Variants in SEMA5A observed in about 807,000 individuals in gnomAD.
SEMA5A encodes semaphorin 5A, also known as semaphorin-5A.
SEMA5A carries 55 observed loss-of-function variants against 135.5 expected under a neutral mutation model. The ratio of observed to expected loss-of-function variants is 0.41; its 90% CI spans 0.33 to 0.51. The LOEUF (loss-of-function observed/expected upper bound fraction) is 0.51, where lower values mean the gene tolerates loss of function less well. Among genes scored for constraint, SEMA5A ranks in the 20% least tolerant of loss-of-function variants. The probability of loss-of-function intolerance (pLI) is 0.37; values close to 1 mark genes in which losing one functional copy is unlikely to be tolerated. For synonymous variants in SEMA5A, 580 were observed against 546.5 expected (o/e 1.06, Z -0.85); for missense variants, 1,290 against 1,419.9 (o/e 0.91, Z 1.47).
rs1269016663 is a variant in SEMA5A at position 9,197,265 on chromosome 5, A to C, written c.971T>G (p.Leu324Arg). 4 of 1,614,054 alleles carry C rather than the reference A, an allele frequency of 2.5e-6. No individual in the cohort carries two copies. The Admixed American group carries it at 5.0e-5, about 20-fold the overall frequency. Residue 324 changes from leucine (L) to arginine (R), a missense_variant, in exon 10 of 23, where the codon CTG (leucine) becomes CGG (arginine). Coordinates refer to ENST00000382496, the MANE Select transcript of SEMA5A (RefSeq NM_003966.3). ...AGAGAAGGCCTGCGCGATGGCGCTC[A>C]GGTTGAAGACGCACACAGCTGAGGC... ...IAASAVCVFN[L>R]SAIAQAFSGP...
At chr5:9,356,450 C>A (rs529362017) in intron 3 of SEMA5A, among the ~76,000 whole-genome samples, 1 of 152,078 alleles carries the variant, frequency 6.6e-6, no homozygotes, top group South Asian at 2.1e-4. Context: ...GTGGAGTGGG[C>A]CAACTTGTAG....
chr5:9,350,434 C>A (rs78448616), intron 3 of SEMA5A, among the ~76,000 whole-genome samples: 3,258 of 152,248 alleles, frequency 0.021, 104 homozygotes, highest in African/African-American at 0.073. Context: ...AATATCTAAG[C>A]CCTTACAATA....
chr5:9,133,725 A>T (rs1741567045), intron 13 of SEMA5A, among the ~76,000 whole-genome samples: 2 of 151,988 alleles, frequency 1.3e-5, no homozygotes. Flanking sequence ...GTAGGAAACA[A>T]CTTTAGTGAC....
At chr5:9,462,482 C>T (rs1759093491) in intron 1 of SEMA5A, among the ~76,000 whole-genome samples, 1 of 152,086 alleles carries the variant, frequency 6.6e-6, no homozygotes, top group Non-Finnish European at 1.5e-5. Flanking sequence ...GATACACATA[C>T]CCAAAGGAAT....
chr5:9,078,586 TACACACACAC>T (rs145598030), intron 16 of SEMA5A, among the ~76,000 whole-genome samples: 1 of 146,470 alleles, frequency 6.8e-6, no homozygotes, highest in African/African-American at 2.5e-5. Flanking sequence ...GCTGGGTATG[TACACACACAC>T]ACACACACAC....
In SEMA5A at chr5:9,203,357, G is replaced by A. The variant is rs566155595; in HGVS notation, c.647-1117C>T. Among the ~76,000 whole-genome samples, 25 of 152,214 alleles carry A rather than the reference G, an allele frequency of 1.6e-4. 1 individual carries two copies. Among genetic ancestry groups the A allele is most frequent in the South Asian group, 1.5e-3 (7 of 4,824 alleles). ...ATTTTCAGGGACAATTAGTTTGTTG[G>A]GGCAATTCAATTGGCCTTGTACCTT... On this transcript the variant is annotated intron_variant, in intron 8 of 22. Coordinates refer to ENST00000382496, the MANE Select transcript of SEMA5A (RefSeq NM_003966.3).
intron 5 of SEMA5A, among the ~76,000 whole-genome samples, chr5:9,243,081 T>C (rs898324142): frequency 2.6e-5 from 4 of 152,114 alleles, no homozygotes; most frequent in Non-Finnish European, 5.9e-5. Flanking sequence ...TAATTGGGAG[T>C]TGACAATGTA....
chr5:9,526,982 T>C (rs1483171178), intron 1 of SEMA5A, among the ~76,000 whole-genome samples: 1 of 152,182 alleles, frequency 6.6e-6, no homozygotes, highest in East Asian at 1.9e-4. Context: ...GTGACAGACA[T>C]TTCCCAGGGT....
intron 5 of SEMA5A, among the ~76,000 whole-genome samples, chr5:9,297,555 T>C (rs1419935911): frequency 6.6e-6 from 1 of 152,102 alleles, no homozygotes; most frequent in Non-Finnish European, 1.5e-5. Flanking sequence ...TTCTGTTTTT[T>C]TTGTTTACTT....
intron 16 of SEMA5A, among the ~76,000 whole-genome samples, chr5:9,090,331 T>C (rs759922192): frequency 9.2e-5 from 14 of 152,346 alleles, no homozygotes; most frequent in Non-Finnish European, 1.9e-4. Context: ...TTAGCTTGGG[T>C]GAACCTGCTA....
intron 1 of SEMA5A, among the ~76,000 whole-genome samples, chr5:9,473,286 CA>C (rs1338452154): frequency 7.6e-6 from 1 of 132,008 alleles, no homozygotes; most frequent in African/African-American, 2.8e-5. Context: ...TTTACAATAA[CA>C]AAAACAAACT....
At chr5:9,485,258 TAA>T (rs57189995) in intron 1 of SEMA5A, among the ~76,000 whole-genome samples, 4 of 145,400 alleles carry the variant, frequency 2.8e-5, no homozygotes, top group Admixed American at 1.4e-4. Context: ...CCCTGGAAAT[TAA>T]AAAAAAAAAA....
chr5:9,187,377 T>C lies in SEMA5A; in HGVS notation c.1273+2890A>G, dbSNP rs971552591. ...TATAGAGGTTGTTCAGTTAAAATTG[T>C]CAAGCCAGTCTAAACAAGCTGAAAT... On this transcript the variant is annotated intron_variant, in intron 11 of 22. Transcript: ENST00000382496. Among the ~76,000 whole-genome samples, 3 of 152,160 alleles carry C rather than the reference T, an allele frequency of 2.0e-5. No homozygotes were observed. The South Asian group carries it at 6.2e-4, about 32-fold the overall frequency.
At chr5:9,337,672 G>T in intron 4 of SEMA5A, 41 bp downstream of exon 4, 1 of 1,382,488 alleles carries the variant, frequency 7.2e-7, no homozygotes, top group Non-Finnish European at 1.0e-6. Context: ...GTAAAATGAA[G>T]TCCAAAAATA....
At chr5:9,534,229 T>A (rs918642549) in intron 1 of SEMA5A, among the ~76,000 whole-genome samples, 6 of 152,136 alleles carry the variant, frequency 3.9e-5, no homozygotes, top group Non-Finnish European at 8.8e-5. Flanking sequence ...AATTGCGCCC[T>A]TTGTCCCCCG....
Position 9,063,075 on chromosome 5 carries a change from C to G in SEMA5A, c.2330G>C (p.Arg777Thr), listed in dbSNP as rs1737273876. 6.2e-7 allele frequency: 1 copy of G among 1,613,880 alleles called. No individual in the cohort carries two copies. Among genetic ancestry groups the G allele is most frequent in the Non-Finnish European group, 8.5e-7 (1 of 1,179,968 alleles). Residue 777 changes from arginine (R) to threonine (T), a missense_variant, in exon 18 of 23, where the codon AGA (arginine) becomes ACA (threonine). Arg to Thr is a moderately conservative substitution (Grantham distance 71). This residue lies in a region of SEMA5A where 1,029 missense variants were observed against 1,086.6 expected (regional missense o/e 0.95). Coordinates refer to ENST00000382496, the MANE Select transcript of SEMA5A (RefSeq NM_003966.3). ...CCCGTTGACCGTGTGGGCAGAGTAT[C>G]TCCCAGCACGCAGGAAATCCCCAGA... is the stretch of plus-strand genomic sequence containing the variant. Reference protein sequence around the residue: ...GLSGDFLRAGRYSAHTVNGAW... With the variant: ...GLSGDFLRAGTYSAHTVNGAW...
chr5:9,121,331 GATT>G (rs995805719), intron 14 of SEMA5A, among the ~76,000 whole-genome samples: 11 of 152,078 alleles, frequency 7.2e-5, no homozygotes, highest in Non-Finnish European at 1.5e-4. Context: ...TCACTTTCAC[GATT>G]ATTAGTACAA....
chr5:9,070,125 C>G (rs1737694877), intron 16 of SEMA5A, among the ~76,000 whole-genome samples: 1 of 152,208 alleles, frequency 6.6e-6, no homozygotes, highest in East Asian at 1.9e-4. Context: ...AATCCCAGCA[C>G]TTTGGGAAGC....
At chr5:9,251,250 C>A (rs111599895) in intron 5 of SEMA5A, among the ~76,000 whole-genome samples, 176 of 152,210 alleles carry the variant, frequency 1.2e-3, no homozygotes, top group Admixed American at 2.1e-3. Context: ...AGTCAAATAA[C>A]CTAATATTTT....
Sources: gnomAD v4.1 joint callset for allele counts (sites outside exome capture counted in the v4.1 genomes callset) on GRCh38, gnomAD v4.1.1 for gene constraint, gnomAD v4.1.1 regional missense constraint, MANE v1.5 for transcripts, NCBI Gene and HGNC (gene_info 2026-07-23, HGNC 2026-07-21) for gene names.